ARHGAP23: variants seen among roughly 807,000 people sequenced by gnomAD.
ARHGAP23 encodes the protein Rho GTPase activating protein 23.
In ARHGAP23, 34 loss-of-function variants were observed where a neutral mutation model predicts 136.3. The ratio of observed to expected loss-of-function variants is 0.25; its 90% CI spans 0.19 to 0.33. The LOEUF is 0.33. Among genes scored for constraint, ARHGAP23 ranks in the 10% least tolerant of loss-of-function variants. The pLI, the probability that ARHGAP23 is intolerant of heterozygous loss-of-function variation, is 1.00. For missense variants in ARHGAP23, 1,808 were observed against 2,139.0 expected (o/e 0.85, Z 3.05); for synonymous variants, 832 against 920.5 (o/e 0.90, Z 1.74).
At chr17:38,444,293 T>A (rs746550885) in intron 1 of ARHGAP23, among the ~76,000 whole-genome samples, 1 of 152,022 alleles carries the variant, frequency 6.6e-6, no homozygotes, top group Non-Finnish European at 1.5e-5. Context: ...GGGGCTCTGC[T>A]GGCCACGGGA....
At chr17:38,439,223 A>T (rs1480761884) in intron 1 of ARHGAP23, among the ~76,000 whole-genome samples, 1 of 150,738 alleles carries the variant, frequency 6.6e-6, no homozygotes, top group African/African-American at 2.4e-5. Context: ...TCCCCTTTCC[A>T]GAAACTTGCT....
At chr17:38,479,060 C>A (rs2039968990) in intron 12 of ARHGAP23, among the ~76,000 whole-genome samples, 1 of 152,198 alleles carries the variant, frequency 6.6e-6, no homozygotes, top group Non-Finnish European at 1.5e-5. Context: ...CTGTCCCCAA[C>A]AAGGCTTAGT....
chr17:38,503,058 A>C (rs1285898807), intron 23 of ARHGAP23, among the ~76,000 whole-genome samples: 1 of 152,214 alleles, frequency 6.6e-6, no homozygotes, highest in Non-Finnish European at 1.5e-5. Flanking sequence ...AAAAACAAAC[A>C]AACAAACAAA....
intron 1 of ARHGAP23, among the ~76,000 whole-genome samples, chr17:38,455,376 G>A (rs1018027754): frequency 3.9e-4 from 60 of 152,158 alleles, no homozygotes; most frequent in African/African-American, 1.4e-3. Flanking sequence ...GGACTGGAAG[G>A]AAGGAACAGA....
rs1402032199 is a variant in ARHGAP23 at position 38,477,141 on chromosome 17, G to T, written c.2119-438G>T. On this transcript the variant is annotated intron_variant, in intron 11 of 23. Coordinates refer to ENST00000622683, the MANE Select transcript of ARHGAP23 (RefSeq NM_001199417.2). The surrounding 1 kb of genome is among the most constrained non-coding windows in gnomAD (Gnocchi z 6.6). ...GGGCAAGTGGAGTCTTGGGTGGGCG[G>T]CAGGAAAGTGGGGAGAACAACCCTC... Among the ~76,000 whole-genome samples the T allele has an allele frequency of 6.6e-6, 1 of 152,100 alleles. No individual in the cohort carries two copies.
rs2039633258 is a variant in ARHGAP23, at chr17:38,467,270, G to A, written c.1587G>A (p.Leu529=). 11 of 1,541,672 alleles carry A rather than the reference G, an allele frequency of 7.1e-6. No individual in the cohort carries two copies. Among genetic ancestry groups the A allele is most frequent in the Non-Finnish European group, 8.8e-6 (10 of 1,142,806 alleles). The change falls in exon 7 of 24, where the codon CTG becomes CTA. Residue 529 remains leucine, a synonymous_variant. Transcript: ENST00000622683. ...EPEASGRGER[L]GRKVAPLATT... ...AGGCCAGTGGGCGAGGGGAACGCCTGGGCAGGAAGGTGGCCCCTTTGGCCA... is the reference window on the plus strand; with the variant it reads ...AGGCCAGTGGGCGAGGGGAACGCCTAGGCAGGAAGGTGGCCCCTTTGGCCA...
intron 1 of ARHGAP23, among the ~76,000 whole-genome samples, chr17:38,448,859 T>C (rs1485398070): frequency 4.1e-5 from 4 of 98,574 alleles, no homozygotes; most frequent in Non-Finnish European, 5.9e-5. Flanking sequence ...TTGCCCAGCC[T>C]TTTTTTTTTT....
At chr17:38,432,637 C>A (rs1008717217) in intron 1 of ARHGAP23, among the ~76,000 whole-genome samples, 19 of 151,884 alleles carry the variant, frequency 1.3e-4, no homozygotes, top group African/African-American at 4.6e-4. Context: ...CAAGATCACG[C>A]CATTGCATTC....
chr17:38,471,492 C>T (rs1013954668), intron 10 of ARHGAP23, among the ~76,000 whole-genome samples: 1 of 152,232 alleles, frequency 6.6e-6, no homozygotes, highest in African/African-American at 2.4e-5. Flanking sequence ...ACTCACTCAG[C>T]CTTTGTTGAT....
In ARHGAP23 at chr17:38,508,898, A is replaced by G. The variant is rs183371179; in HGVS notation, c.3448-1046A>G. On this transcript the variant is annotated intron_variant, in intron 23 of 23. Coordinates refer to ENST00000622683, the MANE Select transcript of ARHGAP23 (RefSeq NM_001199417.2). ...ATGGGAAGAAGAGTCCCGGAGCTCA[A>G]GTGAGTGTGGTGTTGGACAGGGAGG... is the stretch of plus-strand genomic sequence containing the variant. Among the ~76,000 whole-genome samples the G allele has an allele frequency of 4.6e-3, 705 of 152,076 alleles. 3 individuals carry two copies. The highest frequency in any genetic ancestry group is 0.016 in the African/African-American group (663 of 41,484).
At chr17:38,478,570 A>G (rs1489684367) in intron 12 of ARHGAP23, among the ~76,000 whole-genome samples, 2 of 152,014 alleles carry the variant, frequency 1.3e-5, no homozygotes, top group Admixed American at 6.6e-5. Flanking sequence ...GCATGCCACC[A>G]TGCCCGGCTA....
chr17:38,470,026 T>G, intron 10 of ARHGAP23, 122 bp downstream of exon 10: 2 of 1,244,862 alleles, frequency 1.6e-6, no homozygotes, highest in Middle Eastern at 2.4e-4. Context: ...TTCCTCCTCC[T>G]CCCTGCACCC....
intron 22 of ARHGAP23, chr17:38,498,901 C>T (rs769728724): frequency 1.7e-4 from 118 of 697,696 alleles, no homozygotes; most frequent in Non-Finnish European, 2.5e-4. Flanking sequence ...CTCCCACCCC[C>T]TTCTCTTCTC....
At chr17:38,437,492 C>T (rs966747043) in intron 1 of ARHGAP23, among the ~76,000 whole-genome samples, 5 of 151,966 alleles carry the variant, frequency 3.3e-5, no homozygotes, top group Admixed American at 2.6e-4. Context: ...TGGTGCACAC[C>T]TGTAGTCCCA....
At chr17:38,498,541 G>A (rs1421007903) in intron 22 of ARHGAP23, 31 bp downstream of exon 22, 8 of 1,494,376 alleles carry the variant, frequency 5.4e-6, no homozygotes, top group African/African-American at 1.4e-5. Context: ...GTGGGGAGGC[G>A]GGAGGTTGGA....
chr17:38,444,974 C>T (rs746958721), intron 1 of ARHGAP23, among the ~76,000 whole-genome samples: 4 of 151,898 alleles, frequency 2.6e-5, no homozygotes, highest in East Asian at 2.0e-4. Context: ...CCTGACATCA[C>T]GCCCAGCTAA....
chr17:38,439,930 G>A (rs541261883), intron 1 of ARHGAP23, among the ~76,000 whole-genome samples: 1 of 151,600 alleles, frequency 6.6e-6, no homozygotes, highest in East Asian at 1.9e-4. Context: ...GGGTCTCATC[G>A]TGTTGACCAG....
At chr17:38,425,769 C>T (rs1398964087), upstream of ARHGAP23, among the ~76,000 whole-genome samples, 2 of 151,714 alleles carry the variant, frequency 1.3e-5, no homozygotes, top group African/African-American at 2.4e-5. Context: ...AAGGGGAGCC[C>T]GGATGGAGAG....
At position 38,463,350 on chromosome 17, in the gene ARHGAP23, A is replaced by G. The variant is rs1003185014; in HGVS notation, c.451A>G (p.Ile151Val). ...TAGTGATGACACTCTGGAGCTGTCT[A>G]TCATGCCCAAGGACGAGGACATCCT... ...QNSDDTLELSIMPKDEDILQL... is the reference protein window; with the variant it reads ...QNSDDTLELSVMPKDEDILQL... The change falls in exon 6 of 24, where the codon ATC becomes GTC. Residue 151 changes from isoleucine (I) to valine (V), a missense_variant. Coordinates refer to ENST00000622683, the MANE Select transcript of ARHGAP23 (RefSeq NM_001199417.2). The G allele has an allele frequency of 5.8e-6, 9 of 1,551,510 alleles. No homozygotes were observed. In the African/African-American group the frequency reaches 9.6e-5, roughly 17 times the overall value.
Sources: allele counts gnomAD v4.1 joint callset (sites outside exome capture counted in the v4.1 genomes callset), GRCh38; gene constraint gnomAD v4.1.1; non-coding constraint Gnocchi (gnomAD v3.1); transcripts MANE v1.5; gene names NCBI Gene and HGNC (gene_info 2026-07-23, HGNC 2026-07-21).